The following TEKT3 variants were observed in gnomAD, a reference collection of about 807,000 sequenced individuals.
TEKT3 encodes tektin-3.
TEKT3 carries 49 observed loss-of-function variants against 49.8 expected under a neutral mutation model. The ratio of observed to expected loss-of-function variants is 0.98; its 90% CI spans 0.78 to 1.25. TEKT3 has a LOEUF of 1.25. Among genes scored for constraint, TEKT3 ranks in the 50% most tolerant of loss-of-function variants. The pLI is 0.00. For synonymous variants in TEKT3, 225 were observed against 237.2 expected, an observed-to-expected ratio of 0.95 and a Z score of 0.47; for missense variants, 595 against 629.5, an observed-to-expected ratio of 0.95 and a Z score of 0.59.
At chr17:15,309,261 A>T (rs1463199635) in intron 7 of TEKT3, among the ~76,000 whole-genome samples, 1 of 152,086 alleles carries the variant, frequency 6.6e-6, no homozygotes, top group Non-Finnish European at 1.5e-5. Flanking sequence ...ATATCTGTGC[A>T]TCTCTTCCCA....
In TEKT3 at chr17:15,308,722, G is replaced by T. The variant is rs1474294179; in HGVS notation, c.1198C>A (p.Leu400Met). 1.9e-6 allele frequency: 3 copies of T among 1,613,730 alleles called. No homozygotes were observed. Among genetic ancestry groups the T allele is most frequent in the Admixed American group, 3.3e-5 (2 of 60,002 alleles). The stretch of plus-strand genomic sequence containing the variant: ...TTCGGCCGTCTTGTGCGCTCATCCA[G>T]TCTGGTCTGAGCCACCTTCAGGAAG... Reference protein sequence around the residue: ...TAFLKVAQTRLDERTRRPNIE... With the variant: ...TAFLKVAQTRMDERTRRPNIE... Residue 400 changes from leucine to methionine, a missense_variant, in exon 8 of 9, where the codon CTG becomes ATG. Physicochemically the swap from Leu to Met is conservative, Grantham distance 15. Coordinates refer to ENST00000395930, the MANE Select transcript of TEKT3 (RefSeq NM_031898.3).
rs144248983 is a variant in TEKT3, at chr17:15,308,954, G to A, written c.1102-136C>T. On this transcript the variant is annotated intron_variant, in intron 7 of 8. Coordinates refer to ENST00000395930, the MANE Select transcript of TEKT3 (RefSeq NM_031898.3). ...ATGAGGAAGTTGCTTCACCAAGACCGTCTATCCTTTCCAGCCCTGCCCCAG... is the reference window on the plus strand; with the variant it reads ...ATGAGGAAGTTGCTTCACCAAGACCATCTATCCTTTCCAGCCCTGCCCCAG... 4.6e-4 allele frequency: 497 copies of A among 1,083,388 alleles called. 2 individuals carry two copies. The highest frequency in any genetic ancestry group is 8.6e-4 in the Admixed American group (42 of 48,624). 67.1% of individuals were successfully genotyped at this position (1,083,388 alleles called of 1,614,324 possible).
Position 15,331,173 on chromosome 17 carries a change from G to GT in TEKT3, c.412dup (p.Thr138AsnfsTer15), listed in dbSNP as rs781320439. 3 of 1,614,152 alleles carry GT rather than the reference G, an allele frequency of 1.9e-6. No individual in the cohort carries two copies. The South Asian group carries it at 3.3e-5, about 18-fold the overall frequency. Reference sequence around the variant, plus strand: ...CAGATTTTGGGTTGTGTCTGCCTGAGTTTTTCTTGTTTGTTGATATTTGTC... The same window carrying GT: ...CAGATTTTGGGTTGTGTCTGCCTGAGTTTTTTCTTGTTTGTTGATATTTGTC... On this transcript the variant is annotated frameshift_variant, in exon 3 of 9. Transcript: ENST00000395930. LOFTEE classifies it high-confidence loss of function.
At chr17:15,306,432 A>C (rs1246373149) in intron 8 of TEKT3, among the ~76,000 whole-genome samples, 1 of 152,216 alleles carries the variant, frequency 6.6e-6, no homozygotes, top group African/African-American at 2.4e-5. Flanking sequence ...GGATATTTTA[A>C]CAAGAAAACT....
chr17:15,309,718 C>T (rs1486205086), intron 7 of TEKT3, among the ~76,000 whole-genome samples: 1 of 152,084 alleles, frequency 6.6e-6, no homozygotes, highest in East Asian at 1.9e-4. Context: ...CATGGCTGTG[C>T]CCACTGCCTT....
intron 7 of TEKT3, 24 bp downstream of exon 7, chr17:15,312,235 G>C: frequency 1.2e-6 from 2 of 1,610,330 alleles, no homozygotes; most frequent in Non-Finnish European, 1.7e-6. Flanking sequence ...GTCAGCTAAG[G>C]GGTACCACTG....
chr17:15,336,142 A>C (rs1345734647), intron 2 of TEKT3, among the ~76,000 whole-genome samples: 1 of 151,946 alleles, frequency 6.6e-6, no homozygotes, highest in Non-Finnish European at 1.5e-5. Flanking sequence ...GCACACACAC[A>C]ACCCCCTGCT....
In TEKT3 at chr17:15,303,984, G is replaced by A; in HGVS notation, c.1425C>T (p.Ser475=). The change falls in exon 9 of 9, where the codon AGC becomes AGT. Residue 475 remains serine, a synonymous_variant. Coordinates refer to ENST00000395930, the MANE Select transcript of TEKT3 (RefSeq NM_031898.3). ...GGGTGTTGGGGTAGCTCTTGCGCAT[G>A]CTCATGCATTTTTCCTGGTCGATGT... The part of the protein sequence containing the change: ...SLYIDQEKCM[S]MRKSYPNTLR... 6.2e-7 allele frequency: 1 copy of A among 1,614,172 alleles called. No individual in the cohort carries two copies. The highest frequency in any genetic ancestry group is 8.5e-7 in the Non-Finnish European group (1 of 1,180,046).
chr17:15,314,189 C>G lies in TEKT3; in HGVS notation c.776G>C (p.Ser259Thr). The change falls in exon 6 of 9, where the codon AGT becomes ACT. Residue 259 changes from serine (S) to threonine (T), a missense_variant. Ser to Thr is a moderately conservative substitution (Grantham distance 58). Transcript: ENST00000395930. ...GATCCGGTAAGCCGTCTGTTTGTCA[C>G]TCAGGTCCTTTTCCAGCTCATGCTG... ...ASQHELEKDLSDKQTAYRIDD... is the reference protein window; with the variant it reads ...ASQHELEKDLTDKQTAYRIDD... 6.2e-7 allele frequency: 1 copy of G among 1,614,232 alleles called. No homozygotes were observed. Among genetic ancestry groups the G allele is most frequent in the Middle Eastern group, 1.6e-4 (1 of 6,062 alleles).
chr17:15,334,736 T>C (rs1317996805), intron 2 of TEKT3, among the ~76,000 whole-genome samples: 3 of 152,208 alleles, frequency 2.0e-5, no homozygotes, highest in Admixed American at 2.0e-4. Context: ...GAGAATATTT[T>C]ACAGCCACAC....
intron 6 of TEKT3, 134 bp downstream of exon 6, chr17:15,313,953 T>A: frequency 7.8e-7 from 1 of 1,283,400 alleles, no homozygotes; most frequent in Non-Finnish European, 1.1e-6. Context: ...TGGAGACTTG[T>A]CCAAAGCTGG....
chr17:15,331,679 TA>T lies in TEKT3; in HGVS notation c.-29-66del. 3 of 1,251,870 alleles carry T rather than the reference TA, an allele frequency of 2.4e-6. No homozygotes were observed. In the South Asian group the frequency reaches 4.7e-5, roughly 19 times the overall value. 77.5% of individuals were successfully genotyped at this position (1,251,870 alleles called of 1,614,324 possible). A position where few individuals can be genotyped will look rare whatever the true frequency, so the allele number is the denominator to read the frequency against. ...AATAATCTCTGGTGAAACATACAGA[TA>T]AAAGGCCACATCTGACTTAGTATCA... On this transcript the variant is annotated intron_variant, in intron 2 of 8. Transcript: ENST00000395930.
intron 8 of TEKT3, chr17:15,307,123 G>T (rs948334929): frequency 1.3e-4 from 20 of 152,214 alleles, no homozygotes; most frequent in African/African-American, 4.8e-4. Flanking sequence ...CAGACAACAT[G>T]CGTGCTATAC....
At position 15,333,779 on chromosome 17, in the gene TEKT3, A is replaced by T. The variant is rs577474981; in HGVS notation, c.-29-2165T>A. ...TTATTTTATTTTATTTTTATTTTTT[A>T]GACAGAGTCTCGCTCTGTCGCCCAG... On this transcript the variant is annotated intron_variant, in intron 2 of 8. Transcript: ENST00000395930. Among the ~76,000 whole-genome samples the T allele has an allele frequency of 4.0e-5, 5 of 125,144 alleles. No homozygotes were observed. The South Asian group carries it at 1.4e-3, about 36-fold the overall frequency. 82.1% of individuals were successfully genotyped at this position (125,144 alleles called of 152,430 possible).
Position 15,304,110 on chromosome 17 carries a change from G to T in TEKT3, c.1299C>A (p.Thr433=). Residue 433 remains threonine (T), a synonymous_variant, in exon 9 of 9, where the codon ACC becomes ACA. Coordinates refer to ENST00000395930, the MANE Select transcript of TEKT3 (RefSeq NM_031898.3). This position sits in a 1 kb window ranked among gnomAD's most constrained non-coding sequence, Gnocchi z 4.7. ...CTGCATCCCTCAGGCGCTGCTGCAG[G>T]GTCTGGATGGTGTCGTCAACCTCGT... ...EVHEVDDTIQ[T]LQQRLRDAED... is the part of the protein sequence containing the mutation. 1 of 1,614,082 alleles carries T rather than the reference G, an allele frequency of 6.2e-7. No homozygotes were observed. The highest frequency in any genetic ancestry group is 1.1e-5 in the South Asian group (1 of 91,082).
chr17:15,313,991 C>G, intron 6 of TEKT3, 96 bp downstream of exon 6: 1 of 1,559,688 alleles, frequency 6.4e-7, no homozygotes, highest in Non-Finnish European at 8.7e-7. Context: ...AGATATCTTA[C>G]CTTGCTTTCC....
intron 4 of TEKT3, among the ~76,000 whole-genome samples, chr17:15,326,685 A>G (rs1048849158): frequency 2.0e-5 from 3 of 152,226 alleles, no homozygotes; most frequent in African/African-American, 7.2e-5. Context: ...GAAGAAAAAA[A>G]GTTACCAAGC....
chr17:15,328,161 C>A, intron 3 of TEKT3, 86 bp from the exon 4 acceptor site: 1 of 1,224,868 alleles, frequency 8.2e-7, no homozygotes, highest in South Asian at 1.2e-5. Context: ...AAAAATAAGT[C>A]AATAGATACT....
rs374435681 is a variant in TEKT3, at chr17:15,331,235, C to T, written c.351G>A (p.Ser117=). ...YQESNTSRHN[S]EKLRVDTSRL... is the part of the protein sequence containing the mutation. ...GAGATGTATCCACTCTTAGTTTCTC[C>T]GAATTATGTCGGGAAGTGTTGGACT... Residue 117 remains serine, a synonymous_variant, in exon 3 of 9, where the codon TCG becomes TCA. Transcript: ENST00000395930. 2.1e-5 allele frequency: 34 copies of T among 1,613,998 alleles called. No homozygotes were observed. The highest frequency in any genetic ancestry group is 1.6e-4 in the Middle Eastern group (1 of 6,084).
Sources: gnomAD v4.1 joint callset for allele counts (sites outside exome capture counted in the v4.1 genomes callset) on GRCh38, gnomAD v4.1.1 for gene constraint, Gnocchi (gnomAD v3.1) non-coding constraint, MANE v1.5 for transcripts, NCBI Gene and HGNC (gene_info 2026-07-23, HGNC 2026-07-21) for gene names.